The following NTM variants were observed in gnomAD, a reference collection of about 807,000 sequenced individuals.
NTM encodes neurotrimin.
Under a neutral mutation model 42.1 loss-of-function variants are expected in NTM, and 13 were observed. The observed-to-expected ratio is 0.31, with a 90% CI of 0.20 to 0.49. The LOEUF (loss-of-function observed/expected upper bound fraction) is 0.49. Ranked by LOEUF, NTM falls within the 20% of genes least tolerant of loss-of-function variation. The probability of loss-of-function intolerance (pLI) is 0.99; values close to 1 mark genes in which losing one functional copy is unlikely to be tolerated. For missense variants in NTM, 373 were observed against 452.8 expected, an observed-to-expected ratio of 0.82 and a Z score of 1.60; for synonymous variants, 187 against 179.2, an observed-to-expected ratio of 1.04 and a Z score of -0.35.
intron 1 of NTM, among the ~76,000 whole-genome samples, chr11:131,777,423 T>G (rs985050203): frequency 1.5e-4 from 22 of 151,160 alleles, no homozygotes; most frequent in African/African-American, 5.3e-4. Flanking sequence ...CTCCCAATTT[T>G]TATGAGTACA....
intron 2 of NTM, among the ~76,000 whole-genome samples, chr11:132,035,707 G>A (rs539372152): frequency 2.6e-5 from 4 of 152,038 alleles, no homozygotes; most frequent in Admixed American, 2.0e-4. Flanking sequence ...TCCTGTGTGC[G>A]TGAGCCCCAT....
intron 1 of NTM, among the ~76,000 whole-genome samples, chr11:131,807,630 A>T (rs184654348): frequency 2.6e-5 from 4 of 152,326 alleles, no homozygotes; most frequent in Admixed American, 2.6e-4. Flanking sequence ...TCATAGAAAG[A>T]TCTCAATAAG....
intron 3 of NTM, among the ~76,000 whole-genome samples, chr11:132,180,898 G>T (rs1237061660): frequency 6.7e-6 from 1 of 149,448 alleles, no homozygotes; most frequent in Non-Finnish European, 1.5e-5. Context: ...GAAGCTTCAG[G>T]AAAAAAAAAT....
intron 1 of NTM, among the ~76,000 whole-genome samples, chr11:131,598,478 G>A (rs1045848914): frequency 1.3e-5 from 2 of 152,118 alleles, no homozygotes; most frequent in Non-Finnish European, 2.9e-5. Context: ...CAAAACAAAG[G>A]TCTATTGCTC....
At chr11:131,534,902 A>C (rs191361620) in intron 1 of NTM, 1 of 152,374 alleles carries the variant, frequency 6.6e-6, no homozygotes. Flanking sequence ...ACAATCATGC[A>C]GCACAAATCC....
chr11:131,914,965 A>G (rs1184633546), intron 2 of NTM, among the ~76,000 whole-genome samples: 2 of 152,192 alleles, frequency 1.3e-5, no homozygotes, highest in African/African-American at 2.4e-5. Flanking sequence ...AGGTGTGGAG[A>G]GTTTACATGC....
intron 3 of NTM, among the ~76,000 whole-genome samples, chr11:132,149,231 C>A (rs200816033): frequency 3.3e-3 from 408 of 122,718 alleles, no homozygotes; most frequent in African/African-American, 3.4e-3. Flanking sequence ...TCCTGGATTA[C>A]AAAAAAAAAA....
chr11:131,439,469 C>T (rs1036498685), intron 1 of NTM, among the ~76,000 whole-genome samples: 10 of 152,212 alleles, frequency 6.6e-5, no homozygotes, highest in Admixed American at 2.0e-4. Flanking sequence ...CCACCCAGTT[C>T]GAGCTTCCCA....
rs2059907535 is a variant in NTM, at chr11:131,597,395, CTT to C, written c.82+226509_82+226510del. Among the ~76,000 whole-genome samples, 6 of 152,284 alleles carry C rather than the reference CTT, an allele frequency of 3.9e-5. No individual in the cohort carries two copies. The South Asian group carries it at 1.2e-3, about 32-fold the overall frequency. On this transcript the variant is annotated intron_variant, in intron 1 of 8. Coordinates refer to ENST00000683400, the MANE Select transcript of NTM (RefSeq NM_001352005.2). ...TCCACTTGCGCTGCTTTCCCCACCACTTTGGCGGGGAAGCACCTGCAGAGGCT... is the reference window on the plus strand; with the variant it reads ...TCCACTTGCGCTGCTTTCCCCACCACTGGCGGGGAAGCACCTGCAGAGGCT...
At chr11:131,874,408 C>A (rs1224680046) in intron 1 of NTM, among the ~76,000 whole-genome samples, 2 of 151,812 alleles carry the variant, frequency 1.3e-5, no homozygotes, top group Non-Finnish European at 2.9e-5. Flanking sequence ...ACAAAAAAAC[C>A]AAGCAGCAGC....
intron 1 of NTM, among the ~76,000 whole-genome samples, chr11:131,545,322 C>T (rs947933269): frequency 2.0e-4 from 30 of 152,018 alleles, no homozygotes; most frequent in Admixed American, 1.7e-3. Flanking sequence ...AGTCTGTCTC[C>T]TTTTCTGTGT....
chr11:132,154,766 A>G (rs74846170), intron 3 of NTM, among the ~76,000 whole-genome samples: 8 of 152,344 alleles, frequency 5.3e-5, no homozygotes, highest in Non-Finnish European at 1.2e-4. Context: ...CTTGGAGTGT[A>G]TGTTAAGACA....
At chr11:131,454,355 A>T (rs1296435126) in intron 1 of NTM, among the ~76,000 whole-genome samples, 1 of 152,214 alleles carries the variant, frequency 6.6e-6, no homozygotes, top group African/African-American at 2.4e-5. Context: ...TGTGGAACAC[A>T]TCCCCCTTGA....
chr11:131,416,232 G>A (rs1946932648), intron 1 of NTM, among the ~76,000 whole-genome samples: 1 of 151,668 alleles, frequency 6.6e-6, no homozygotes. Context: ...CAAAGCCAGG[G>A]ACATATCTCA....
chr11:131,981,824 A>G (rs529946650), intron 2 of NTM, among the ~76,000 whole-genome samples: 5 of 152,232 alleles, frequency 3.3e-5, no homozygotes, highest in African/African-American at 1.2e-4. Context: ...CAGCGTGGTC[A>G]ACATGGCGAA....
At chr11:131,509,467 C>T (rs2047961746) in intron 1 of NTM, among the ~76,000 whole-genome samples, 1 of 152,200 alleles carries the variant, frequency 6.6e-6, no homozygotes, top group Non-Finnish European at 1.5e-5. Flanking sequence ...ATACAATGAG[C>T]ACCTCTTATC....
At chr11:131,388,829 T>C (rs1253819371) in intron 1 of NTM, among the ~76,000 whole-genome samples, 1 of 151,232 alleles carries the variant, frequency 6.6e-6, no homozygotes, top group East Asian at 2.0e-4. Context: ...CTGGCCAACA[T>C]GGTGAAACCT....
chr11:132,282,607 CATT>C (rs1395238089), intron 4 of NTM, among the ~76,000 whole-genome samples: 3 of 152,120 alleles, frequency 2.0e-5, no homozygotes, highest in African/African-American at 7.2e-5. Context: ...AGTGAAACAT[CATT>C]AATTCCAACC....
intron 1 of NTM, among the ~76,000 whole-genome samples, chr11:131,822,953 C>T (rs2093253361): frequency 6.6e-6 from 1 of 151,884 alleles, no homozygotes; most frequent in Admixed American, 6.6e-5. Context: ...TCCTTTCTTT[C>T]TTCCTTCCTT....
Sources: gnomAD v4.1 joint callset for allele counts (sites outside exome capture counted in the v4.1 genomes callset) on GRCh38, gnomAD v4.1.1 for gene constraint, MANE v1.5 for transcripts, NCBI Gene and HGNC (gene_info 2026-07-23, HGNC 2026-07-21) for gene names.